CCDC183: variants seen among roughly 807,000 people sequenced by gnomAD.
CCDC183 encodes coiled-coil domain containing 183.
Under a neutral mutation model 65.2 loss-of-function variants are expected in CCDC183, and 63 were observed. That is an observed-to-expected ratio of 0.97 (90% CI 0.79 to 1.19). The LOEUF is 1.19. Ranked by LOEUF, CCDC183 falls within the 50% of genes most tolerant of loss-of-function variation. The probability of loss-of-function intolerance (pLI) is 0.00; values close to 1 mark genes in which losing one functional copy is unlikely to be tolerated. For missense variants in CCDC183, 769 were observed against 689.3 expected, an observed-to-expected ratio of 1.12 and a Z score of -1.30; for synonymous variants, 323 against 276.5, an observed-to-expected ratio of 1.17 and a Z score of -1.67.
Position 136,806,245 on chromosome 9 carries a change from C to CG in CCDC183, c.1109+10dup. 1 of 1,586,080 alleles carries CG rather than the reference C, an allele frequency of 6.3e-7. No homozygotes were observed. The highest frequency in any genetic ancestry group is 8.6e-7 in the Non-Finnish European group (1 of 1,166,136). ...AGAAGCCTAGCTCCATCAGGTGCCC[C>CG]GGGCTTCCGGGGCTGCGGGCCACCC... On this transcript the variant is annotated splice_region_variant and intron_variant, in intron 10 of 13. Coordinates refer to ENST00000338005, the MANE Select transcript of CCDC183 (RefSeq NM_001039374.5).
chr9:136,797,066 A>G (rs1235809450), intron 1 of CCDC183, among the ~76,000 whole-genome samples: 1 of 152,188 alleles, frequency 6.6e-6, no homozygotes, highest in African/African-American at 2.4e-5. Flanking sequence ...AAAGCCGACC[A>G]TTCCCATTCG....
At chr9:136,799,296 G>C in intron 2 of CCDC183, 73 bp downstream of exon 2, 3 of 1,509,944 alleles carry the variant, frequency 2.0e-6, no homozygotes, top group Non-Finnish European at 2.7e-6. Context: ...CTCGGAGGGC[G>C]GGCACCTCCT....
chr9:136,798,203 C>T (rs1847682433), intron 1 of CCDC183, among the ~76,000 whole-genome samples: 1 of 151,826 alleles, frequency 6.6e-6, no homozygotes, highest in Non-Finnish European at 1.5e-5. Flanking sequence ...ACGGGGTTTA[C>T]CCATCTTGGC....
intron 13 of CCDC183, 60 bp downstream of exon 13, chr9:136,807,126 TGGC>T (rs1847873852): frequency 2.0e-6 from 3 of 1,512,640 alleles, no homozygotes; most frequent in Non-Finnish European, 1.8e-6. Flanking sequence ...CAGGTCGGGG[TGGC>T]GCCGGCTCCC....
At chr9:136,797,268 C>T (rs895461943) in intron 1 of CCDC183, among the ~76,000 whole-genome samples, 2 of 152,130 alleles carry the variant, frequency 1.3e-5, no homozygotes, top group Non-Finnish European at 2.9e-5. Context: ...TCACATGTTT[C>T]CCTGCTGACG....
rs529196242 is a variant in CCDC183, at chr9:136,803,855, G to A, written c.667-647G>A. ...ACAGGCCCCAGGAGTCCACGGAGGC[G>A]GCTGGGCTGGGGGCCCAAGGACTGA... On this transcript the variant is annotated intron_variant, in intron 6 of 13. Coordinates refer to ENST00000338005, the MANE Select transcript of CCDC183 (RefSeq NM_001039374.5). 3.7e-4 allele frequency: 57 copies of A among 155,710 alleles called. 1 individual carries two copies. Among genetic ancestry groups the A allele is most frequent in the South Asian group, 2.1e-3 (11 of 5,152 alleles). The allele number at this position is 155,710 out of a possible 1,614,324, so 9.6% of individuals were successfully genotyped here.
intron 1 of CCDC183, among the ~76,000 whole-genome samples, chr9:136,798,712 G>T (rs1192476466): frequency 6.6e-6 from 1 of 152,132 alleles, no homozygotes; most frequent in East Asian, 1.9e-4. Flanking sequence ...CTGCATGGAG[G>T]GACTAAATCA....
In CCDC183 at chr9:136,796,471, AGCCT is replaced by A. The variant is rs1242243818; in HGVS notation, c.70+7_70+10del. On this transcript the variant is annotated splice_donor_5th_base_variant and intron_variant, in intron 1 of 13. Transcript: ENST00000338005. ...AAGACCATCACTCAGCTCCAGGGTG[AGCCT>A]GCACCGCCGTGACCAGTCTCCCTTT... 4.5e-6 allele frequency: 7 copies of A among 1,557,964 alleles called. No individual in the cohort carries two copies. The highest frequency in any genetic ancestry group is 1.9e-5 in the Admixed American group (1 of 51,780).
At chr9:136,803,516 G>C (rs910017455) in intron 6 of CCDC183, among the ~76,000 whole-genome samples, 1 of 152,178 alleles carries the variant, frequency 6.6e-6, no homozygotes, top group Admixed American at 6.5e-5. Context: ...TCTGTGCCAA[G>C]GTCCCTGCAA....
intron 9 of CCDC183, among the ~76,000 whole-genome samples, chr9:136,805,836 C>T (rs892656108): frequency 2.0e-5 from 3 of 152,148 alleles, no homozygotes; most frequent in South Asian, 2.1e-4. Context: ...ATCCACAAAG[C>T]GCTTCACCCC....
intron 1 of CCDC183, 136 bp from the exon 2 acceptor site, chr9:136,798,966 G>T: frequency 8.5e-7 from 1 of 1,180,226 alleles, no homozygotes; most frequent in Non-Finnish European, 1.2e-6. Context: ...GGCGGGAGGA[G>T]GGATCTTGGC....
At chr9:136,800,710 G>A (rs999254822) in intron 5 of CCDC183, 1 of 569,676 alleles carries the variant, frequency 1.8e-6, no homozygotes, top group Non-Finnish European at 3.1e-6. Context: ...GAATTCTTCG[G>A]ACTTTCTTGC....
At position 136,804,014 on chromosome 9, in the gene CCDC183, G is replaced by T; in HGVS notation, c.667-488G>T. The T allele has an allele frequency of 5.9e-6, 1 of 168,904 alleles. No individual in the cohort carries two copies. 10.5% of individuals were successfully genotyped at this position (168,904 alleles called of 1,614,324 possible). ...ACCTGGGTATACCCGGGGTGGAGAA[G>T]GGGTGGCCAGGAGCAACGGAGCTGA... On this transcript the variant is annotated intron_variant, in intron 6 of 13. Coordinates refer to ENST00000338005, the MANE Select transcript of CCDC183 (RefSeq NM_001039374.5). The surrounding 1 kb of genome is among the most constrained non-coding windows in gnomAD (Gnocchi z 4.1).
rs773835805 is a variant in CCDC183 at position 136,806,668 on chromosome 9, C to G, written c.1274C>G (p.Thr425Ser). ...VRLMGINLPA[T>S]QREVVLSNTL... ...CTGATGGGCATTAACTTGCCTGCGACCCAGGTACCGGGAGTGAGGCTGAGC... is the reference window on the plus strand; with the variant it reads ...CTGATGGGCATTAACTTGCCTGCGAGCCAGGTACCGGGAGTGAGGCTGAGC... Residue 425 changes from threonine (T) to serine (S), a missense_variant, in exon 11 of 14, where the codon ACC becomes AGC. By Grantham distance (58) the Thr-to-Ser change is moderately conservative. Transcript: ENST00000338005. 1 of 1,613,374 alleles carries G rather than the reference C, an allele frequency of 6.2e-7. No individual in the cohort carries two copies.
At chr9:136,798,775 C>A (rs909642702) in intron 1 of CCDC183, among the ~76,000 whole-genome samples, 1 of 152,154 alleles carries the variant, frequency 6.6e-6, no homozygotes, top group African/African-American at 2.4e-5. Context: ...GGCCCCAAAG[C>A]CAGAATGGAC....
chr9:136,806,082 T>G lies in CCDC183; in HGVS notation c.953T>G (p.Ile318Ser). 1 of 1,549,922 alleles carries G rather than the reference T, an allele frequency of 6.5e-7. No homozygotes were observed. Among genetic ancestry groups the G allele is most frequent in the Non-Finnish European group, 8.7e-7 (1 of 1,147,036 alleles). ...TCTCTCCCCCGGACTGGCCAGGACA[T>G]CACTAGCCGCTTCCTGGCCCAGAGG... ...SAVRCSHVWD[I>S]TSRFLAQRNT... The change falls in exon 10 of 14, where the codon ATC becomes AGC. Residue 318 changes from isoleucine to serine, a missense_variant. Ile to Ser is a moderately radical substitution (Grantham distance 142, BLOSUM62 -2). Coordinates refer to ENST00000338005, the MANE Select transcript of CCDC183 (RefSeq NM_001039374.5).
intron 13 of CCDC183, 22 bp from the exon 14 acceptor site, chr9:136,807,550 G>A (rs1847884196): frequency 6.3e-7 from 1 of 1,578,630 alleles, no homozygotes; most frequent in Middle Eastern, 1.7e-4. Flanking sequence ...CCCCGTGTGC[G>A]AGCCGCCGCC....
At position 136,806,152 on chromosome 9, in the gene CCDC183, GT is replaced by G; in HGVS notation, c.1024del (p.Trp342GlyfsTer5). On this transcript the variant is annotated frameshift_variant, in exon 10 of 14. Coordinates refer to ENST00000338005, the MANE Select transcript of CCDC183 (RefSeq NM_001039374.5). LOFTEE classifies it high-confidence loss of function. The part of the protein sequence containing the change: ...LELQMEDCEE[W>X]RVQLKALVKQ... ...AGCTGCAGATGGAGGACTGTGAGGA[GT>G]GGCGGGTGCAGCTGAAGGCCCTGGT... The G allele has an allele frequency of 6.4e-7, 1 of 1,550,436 alleles. No individual in the cohort carries two copies. The highest frequency in any genetic ancestry group is 8.7e-7 in the Non-Finnish European group (1 of 1,146,578).
Position 136,805,371 on chromosome 9 carries a change from ACCT to A in CCDC183, c.865_867del (p.Ser289del). 1.9e-6 allele frequency: 3 copies of A among 1,613,242 alleles called. No homozygotes were observed. Among genetic ancestry groups the A allele is most frequent in the Non-Finnish European group, 2.5e-6 (3 of 1,179,724 alleles). ...TGCTCTGCCAGTGAGGAGAAAAGAG[ACCT>A]CCACAGCAGAAATGGAATACCAGTC... On this transcript the variant is annotated inframe_deletion, in exon 9 of 14. Coordinates refer to ENST00000338005, the MANE Select transcript of CCDC183 (RefSeq NM_001039374.5).
Sources: gnomAD v4.1 joint callset for allele counts (sites outside exome capture counted in the v4.1 genomes callset) on GRCh38, gnomAD v4.1.1 for gene constraint, Gnocchi (gnomAD v3.1) non-coding constraint, MANE v1.5 for transcripts, NCBI Gene and HGNC (gene_info 2026-07-23, HGNC 2026-07-21) for gene names.